Variants in STX7 observed in about 807,000 individuals in gnomAD.
The protein encoded by STX7 is syntaxin-7.
Under a neutral mutation model 39.6 loss-of-function variants are expected in STX7, and 34 were observed. The ratio of observed to expected loss-of-function variants is 0.86; its 90% CI spans 0.65 to 1.14. The LOEUF (loss-of-function observed/expected upper bound fraction) is 1.14, where lower values mean the gene tolerates loss of function less well. Among genes scored for constraint, STX7 ranks in the 50% most tolerant of loss-of-function variants. The pLI, the probability that STX7 is intolerant of heterozygous loss-of-function variation, is 0.00. For synonymous variants in STX7, 119 were observed against 99.1 expected (o/e 1.20, Z -1.19); for missense variants, 284 against 310.4 (o/e 0.92, Z 0.64).
At chr6:132,467,477 T>C (rs1774592994) in intron 8 of STX7, among the ~76,000 whole-genome samples, 1 of 152,198 alleles carries the variant, frequency 6.6e-6, no homozygotes, top group Admixed American at 6.5e-5. Context: ...TACTTGCTTT[T>C]CTCGCCTTTT....
intron 2 of STX7, among the ~76,000 whole-genome samples, chr6:132,476,899 T>TTATTTCAAGTAGAAATAAGTA (rs1302376293): frequency 5.8e-4 from 88 of 152,224 alleles, no homozygotes; most frequent in African/African-American, 2.1e-3. Context: ...AGAAATAAGC[T>TTATTTCAAGTAGAAATAAGTA]GAAAATCCAA....
intron 1 of STX7, among the ~76,000 whole-genome samples, chr6:132,507,327 A>C (rs1265169200): frequency 6.6e-6 from 1 of 152,234 alleles, no homozygotes; most frequent in Non-Finnish European, 1.5e-5. Flanking sequence ...ATTTATTGAG[A>C]TATGGCAATA....
At chr6:132,474,227 C>CAAAAAAAAAAAAAAAA (rs67939950) in intron 3 of STX7, among the ~76,000 whole-genome samples, 1 of 69,924 alleles carries the variant, frequency 1.4e-5, no homozygotes, top group African/African-American at 5.7e-5. Flanking sequence ...GATCCTGTCT[C>CAAAAAAAAAAAAAAAA]AAAAAAAAAA....
intron 8 of STX7, among the ~76,000 whole-genome samples, chr6:132,466,379 G>C (rs1011263549): frequency 4.6e-5 from 7 of 151,924 alleles, no homozygotes; most frequent in Non-Finnish European, 2.9e-5. Flanking sequence ...CAACTGTCTG[G>C]GCTCTAAATC....
chr6:132,506,376 T>C (rs188362371), intron 1 of STX7, among the ~76,000 whole-genome samples: 2 of 152,144 alleles, frequency 1.3e-5, no homozygotes, highest in East Asian at 3.9e-4. Flanking sequence ...ATCCAGAATT[T>C]ACAAGAAACT....
intron 7 of STX7, among the ~76,000 whole-genome samples, chr6:132,469,206 A>C (rs3778573): frequency 0.24 from 36,023 of 152,098 alleles, 4,639 homozygotes; most frequent in East Asian, 0.54. Context: ...TGACTTAATA[A>C]ATCCTTTAGA....
Position 132,454,267 on chromosome 6 carries a change from C to T in STX7, c.*6491G>A, listed in dbSNP as rs1774200065. The T allele has an allele frequency of 6.6e-6, 1 of 150,886 alleles. No individual in the cohort carries two copies. The highest frequency in any genetic ancestry group is 2.1e-4 in the South Asian group (1 of 4,798). 9.3% of individuals were successfully genotyped at this position (150,886 alleles called of 1,614,324 possible). ...AAAAATGGAGAACAGATTATGGTTG[C>T]CAAGGGTTAAGAAGGGAGTAGGGAT... On this transcript the variant is annotated 3_prime_UTR_variant, in exon 10 of 10. Coordinates refer to ENST00000367941, the MANE Select transcript of STX7 (RefSeq NM_003569.3).
intron 3 of STX7, among the ~76,000 whole-genome samples, chr6:132,472,868 G>T (rs531719050): frequency 3.3e-5 from 5 of 152,128 alleles, no homozygotes; most frequent in African/African-American, 1.2e-4. Flanking sequence ...AAAAAGGCGG[G>T]GGGGAGGGGC....
rs1362171528 is a variant in STX7 at position 132,453,289 on chromosome 6, A to G, written c.*7469T>C. On this transcript the variant is annotated 3_prime_UTR_variant, in exon 10 of 10. Coordinates refer to ENST00000367941, the MANE Select transcript of STX7 (RefSeq NM_003569.3). Reference sequence around the variant, plus strand: ...TAGACTTAAAAGTAAAACGTAAACTATAATACTTTTAGAAAACAACATAAA... The same window carrying G: ...TAGACTTAAAAGTAAAACGTAAACTGTAATACTTTTAGAAAACAACATAAA... 6.6e-6 allele frequency: 1 copy of G among 152,164 alleles called. No individual in the cohort carries two copies. Among genetic ancestry groups the G allele is most frequent in the African/African-American group, 2.4e-5 (1 of 41,462 alleles). The allele number at this position is 152,164 out of a possible 1,614,324, so 9.4% of individuals were successfully genotyped here.
Position 132,455,900 on chromosome 6 carries a change from G to T in STX7, c.*4858C>A, listed in dbSNP as rs1774230299. 6.6e-6 allele frequency: 1 copy of T among 152,118 alleles called. No homozygotes were observed. 9.4% of individuals were successfully genotyped at this position (152,118 alleles called of 1,614,324 possible). On this transcript the variant is annotated 3_prime_UTR_variant, in exon 10 of 10. Coordinates refer to ENST00000367941, the MANE Select transcript of STX7 (RefSeq NM_003569.3). ...TTTAAAAGAAAAAGATTTGCCAAGG[G>T]ATGGGTAGGGTTAAATTAAAAACAT... is the stretch of plus-strand genomic sequence containing the variant.
rs556787579 is a variant in STX7 at position 132,455,699 on chromosome 6, T to C, written c.*5059A>G. On this transcript the variant is annotated 3_prime_UTR_variant, in exon 10 of 10. Coordinates refer to ENST00000367941, the MANE Select transcript of STX7 (RefSeq NM_003569.3). ...TGTCTACAAAAACCTATTTAGTGTG[T>C]TATTTAGCTCTATTTCTGCATTTAA... 1.6e-4 allele frequency: 25 copies of C among 152,300 alleles called. 1 individual carries two copies. Among genetic ancestry groups the C allele is most frequent in the African/African-American group, 5.8e-4 (24 of 41,572 alleles). The allele number at this position is 152,300 out of a possible 1,614,324, so 9.4% of individuals were successfully genotyped here.
Position 132,470,002 on chromosome 6 carries a change from C to T in STX7, c.486G>A (p.Glu162=), listed in dbSNP as rs368995237. 22 of 1,598,070 alleles carry T rather than the reference C, an allele frequency of 1.4e-5. No homozygotes were observed. The highest frequency in any genetic ancestry group is 2.3e-5 in the East Asian group (1 of 43,136). ...TCTCATGAATAAGACGGAGGTCATC[C>T]TCTGTAATTTCTTCATCCTGCACCT... ...QVQVQDEEIT[E]DDLRLIHERE... Residue 162 remains glutamate, a synonymous_variant, in exon 7 of 10, where the codon GAG becomes GAA. Coordinates refer to ENST00000367941, the MANE Select transcript of STX7 (RefSeq NM_003569.3).
chr6:132,463,919 C>T, intron 9 of STX7, 74 bp downstream of exon 9: 2 of 1,409,116 alleles, frequency 1.4e-6, no homozygotes, highest in Non-Finnish European at 2.0e-6. Flanking sequence ...TCTCTCCCTG[C>T]TTCCTCAACA....
chr6:132,480,862 T>C (rs75974986), intron 2 of STX7, among the ~76,000 whole-genome samples: 8,070 of 152,318 alleles, frequency 0.053, 330 homozygotes, highest in Non-Finnish European at 0.076. Flanking sequence ...CAGTATTCTT[T>C]TTCTTGCTCT....
intron 7 of STX7, among the ~76,000 whole-genome samples, chr6:132,469,404 A>T (rs1774651558): frequency 6.6e-6 from 1 of 151,946 alleles, no homozygotes; most frequent in African/African-American, 2.4e-5. Flanking sequence ...TTGATATAAC[A>T]ATAATAATTT....
intron 2 of STX7, among the ~76,000 whole-genome samples, chr6:132,497,674 G>A (rs1053910587): frequency 6.6e-6 from 1 of 152,144 alleles, no homozygotes; most frequent in African/African-American, 2.4e-5. Flanking sequence ...TATGTTGTTT[G>A]TGTTTGGGCA....
intron 5 of STX7, among the ~76,000 whole-genome samples, chr6:132,470,864 G>GA (rs1774701474): frequency 6.6e-6 from 1 of 152,040 alleles, no homozygotes; most frequent in Admixed American, 6.6e-5. Context: ...GACAAGAAAG[G>GA]AATTCACTAA....
intron 2 of STX7, among the ~76,000 whole-genome samples, chr6:132,494,969 G>C (rs900992231): frequency 7.2e-5 from 11 of 152,154 alleles, no homozygotes; most frequent in African/African-American, 2.2e-4. Context: ...CAGAGATGGA[G>C]AGACACAGAC....
chr6:132,459,234 A>G lies in STX7; in HGVS notation c.*1524T>C, dbSNP rs1187280591. On this transcript the variant is annotated 3_prime_UTR_variant, in exon 10 of 10. Coordinates refer to ENST00000367941, the MANE Select transcript of STX7 (RefSeq NM_003569.3). ...TGGCAACAGGAGTCTCTAAGTTCCA[A>G]TCACTCACTCACAAAAGAGTTTTCT... 1 of 152,238 alleles carries G rather than the reference A, an allele frequency of 6.6e-6. No homozygotes were observed. Among genetic ancestry groups the G allele is most frequent in the Non-Finnish European group, 1.5e-5 (1 of 68,056 alleles). 9.4% of individuals were successfully genotyped at this position (152,238 alleles called of 1,614,324 possible).
Sources: gnomAD v4.1 joint callset for allele counts (sites outside exome capture counted in the v4.1 genomes callset) on GRCh38, gnomAD v4.1.1 for gene constraint, MANE v1.5 for transcripts, NCBI Gene and HGNC (gene_info 2026-07-23, HGNC 2026-07-21) for gene names.